Variants in DNAAF9 observed in about 807,000 individuals in gnomAD.
DNAAF9 encodes the protein shulin.
DNAAF9 carries 90 observed loss-of-function variants against 167.0 expected under a neutral mutation model. That is an observed-to-expected ratio of 0.54 (90% CI 0.45 to 0.64). The LOEUF (loss-of-function observed/expected upper bound fraction) is 0.64, where lower values mean the gene tolerates loss of function less well. DNAAF9 is among the 30% of genes least tolerant of loss of function. The pLI, the probability that DNAAF9 is intolerant of heterozygous loss-of-function variation, is 0.00. For missense variants in DNAAF9, 1,315 were observed against 1,442.2 expected (o/e 0.91, Z 1.43); for synonymous variants, 491 against 508.8 (o/e 0.96, Z 0.47).
intron 15 of DNAAF9, 94 bp from the exon 16 acceptor site, chr20:3,322,356 TCA>T: frequency 2.0e-6 from 2 of 1,008,378 alleles, no homozygotes; most frequent in Non-Finnish European, 3.1e-6. Context: ...CAATGACAAG[TCA>T]TAGATTCGGA....
At chr20:3,347,277 T>C (rs1393951536) in intron 8 of DNAAF9, among the ~76,000 whole-genome samples, 1 of 152,160 alleles carries the variant, frequency 6.6e-6, no homozygotes, top group Admixed American at 6.5e-5. Flanking sequence ...ATTGTCAATC[T>C]AGAATCTAGA....
intron 12 of DNAAF9, among the ~76,000 whole-genome samples, chr20:3,326,919 C>A (rs1814610815): frequency 6.6e-6 from 1 of 151,832 alleles, no homozygotes; most frequent in Non-Finnish European, 1.5e-5. Context: ...TGTGCAGGAA[C>A]AGCTACCTAC....
intron 27 of DNAAF9, among the ~76,000 whole-genome samples, chr20:3,287,090 C>T (rs6051716): frequency 0.17 from 25,287 of 152,164 alleles, 2,281 homozygotes; most frequent in Non-Finnish European, 0.19. Context: ...AATAATCATG[C>T]TTACAGAGAC....
At chr20:3,263,911 G>A (rs1279746942) in intron 31 of DNAAF9, among the ~76,000 whole-genome samples, 1 of 152,230 alleles carries the variant, frequency 6.6e-6, no homozygotes, top group Non-Finnish European at 1.5e-5. Flanking sequence ...CACAGTAAAT[G>A]TTCCAGCGTG....
At chr20:3,299,288 C>G (rs1196533589) in intron 21 of DNAAF9, among the ~76,000 whole-genome samples, 1 of 152,078 alleles carries the variant, frequency 6.6e-6, no homozygotes, top group Non-Finnish European at 1.5e-5. Context: ...ACACGGATAT[C>G]TAGTTTTCCC....
intron 1 of DNAAF9, among the ~76,000 whole-genome samples, chr20:3,388,100 G>T (rs886907381): frequency 1.3e-5 from 2 of 149,070 alleles, no homozygotes; most frequent in East Asian, 3.9e-4. Context: ...AAAGGGCAAA[G>T]AACATTTCTC....
In DNAAF9 at chr20:3,249,614, A is replaced by G. The variant is rs1236394199; in HGVS notation, c.*2958T>C. 6.6e-6 allele frequency: 1 copy of G among 152,256 alleles called. No individual in the cohort carries two copies. Among genetic ancestry groups the G allele is most frequent in the Non-Finnish European group, 1.5e-5 (1 of 68,040 alleles). The allele number at this position is 152,256 out of a possible 1,614,324, so 9.4% of individuals were successfully genotyped here. A position where few individuals can be genotyped will look rare whatever the true frequency, so the allele number is the denominator to read the frequency against. On this transcript the variant is annotated 3_prime_UTR_variant, in exon 37 of 37. Coordinates refer to ENST00000252032, the MANE Select transcript of DNAAF9 (RefSeq NM_001009984.3). ...TGGCACGTAAGTGAGCTCTTATGTC[A>G]TTAGTATTTGACATCCTGGGACAAT...
intron 6 of DNAAF9, among the ~76,000 whole-genome samples, chr20:3,367,696 A>T (rs1324738084): frequency 6.6e-6 from 1 of 152,182 alleles, no homozygotes; most frequent in Non-Finnish European, 1.5e-5. Context: ...ATCATCTCAT[A>T]TGAGTGCAGT....
Position 3,330,685 on chromosome 20 carries a change from G to T in DNAAF9, c.1064-3C>A. 2 of 1,582,606 alleles carry T rather than the reference G, an allele frequency of 1.3e-6. No individual in the cohort carries two copies. Among genetic ancestry groups the T allele is most frequent in the Non-Finnish European group, 1.7e-6 (2 of 1,153,796 alleles). The stretch of plus-strand genomic sequence containing the variant: ...CTTGGGCAGCTTGCTGTCACCACCT[G>T]TGAAAGAGGCCCACTAAGAATGTGA... On this transcript the variant is annotated splice_region_variant and splice_polypyrimidine_tract_variant and intron_variant, in intron 11 of 36. Coordinates refer to ENST00000252032, the MANE Select transcript of DNAAF9 (RefSeq NM_001009984.3).
At chr20:3,268,896 A>C (rs1180882192) in intron 30 of DNAAF9, among the ~76,000 whole-genome samples, 6 of 80,860 alleles carry the variant, frequency 7.4e-5, no homozygotes, top group East Asian at 3.7e-4. Flanking sequence ...TCTCTATGTT[A>C]CTTTTTTTTT....
At chr20:3,264,778 C>T (rs2068457066) in intron 30 of DNAAF9, among the ~76,000 whole-genome samples, 1 of 152,138 alleles carries the variant, frequency 6.6e-6, no homozygotes, top group African/African-American at 2.4e-5. Flanking sequence ...CCATGTTGGC[C>T]AGGATCGTCT....
chr20:3,314,557 C>G (rs2123027691), intron 20 of DNAAF9, among the ~76,000 whole-genome samples: 1 of 152,212 alleles, frequency 6.6e-6, no homozygotes, highest in East Asian at 1.9e-4. Flanking sequence ...AGATTCTTCC[C>G]CAGAGGCTCT....
At chr20:3,391,521 A>AC (rs1268438889) in intron 1 of DNAAF9, among the ~76,000 whole-genome samples, 1 of 142,538 alleles carries the variant, frequency 7.0e-6, no homozygotes, top group Non-Finnish European at 1.5e-5. Flanking sequence ...ATTGATCCTC[A>AC]CCCCCCAGAG....
chr20:3,357,306 C>T (rs1459837973), intron 7 of DNAAF9, among the ~76,000 whole-genome samples: 3 of 151,958 alleles, frequency 2.0e-5, no homozygotes, highest in African/African-American at 7.3e-5. Context: ...ACCCCATCTC[C>T]AGTAAAAATA....
chr20:3,360,492 C>CT (rs1286861022), intron 6 of DNAAF9, among the ~76,000 whole-genome samples: 1 of 152,112 alleles, frequency 6.6e-6, no homozygotes, highest in Non-Finnish European at 1.5e-5. Flanking sequence ...TTAATAATAA[C>CT]TTTTTTTACA....
intron 1 of DNAAF9, among the ~76,000 whole-genome samples, chr20:3,397,529 AG>A (rs1476272207): frequency 6.6e-6 from 1 of 152,134 alleles, no homozygotes; most frequent in East Asian, 1.9e-4. Context: ...CATGTTAGCC[AG>A]GATGGTCTTG....
rs557494318 is a variant in DNAAF9, at chr20:3,313,180, T to C, written c.1678+1853A>G. Among the ~76,000 whole-genome samples, 4 of 152,350 alleles carry C rather than the reference T, an allele frequency of 2.6e-5. No individual in the cohort carries two copies. In the East Asian group the frequency reaches 5.8e-4, roughly 22 times the overall value. ...CCTACAATCTGCTTTCAAAACACTA[T>C]GCAATCTTGCCTCAAGGCTGGTAGT... is the stretch of plus-strand genomic sequence containing the variant. On this transcript the variant is annotated intron_variant, in intron 20 of 36. Transcript: ENST00000252032.
chr20:3,328,371 G>A (rs533857584), intron 12 of DNAAF9, among the ~76,000 whole-genome samples: 2 of 152,024 alleles, frequency 1.3e-5, no homozygotes, highest in East Asian at 1.9e-4. Flanking sequence ...TAGTAGAGGC[G>A]GGGTTTCACC....
chr20:3,373,923 T>C (rs1293449779), intron 6 of DNAAF9, 125 bp downstream of exon 6: 3 of 630,216 alleles, frequency 4.8e-6, no homozygotes, highest in Non-Finnish European at 8.7e-6. Context: ...TCTCCTAACT[T>C]GCTCCATGCC....
Sources: allele counts gnomAD v4.1 joint callset (sites outside exome capture counted in the v4.1 genomes callset), GRCh38; gene constraint gnomAD v4.1.1; transcripts MANE v1.5; gene names NCBI Gene and HGNC (gene_info 2026-07-23, HGNC 2026-07-21).